The following DNER variants were observed in gnomAD, a reference collection of about 807,000 sequenced individuals.
The protein encoded by DNER is delta and Notch-like epidermal growth factor-related receptor.
A neutral mutation model predicts 78.2 loss-of-function variants in DNER; 33 were observed. That is an observed-to-expected ratio of 0.42 (90% CI 0.32 to 0.56). DNER has a LOEUF of 0.56. Ranked by LOEUF, DNER falls within the 20% of genes least tolerant of loss-of-function variation. DNER has a pLI of 0.11. For synonymous variants in DNER, 417 were observed against 384.8 expected (o/e 1.08, Z -0.98); for missense variants, 918 against 975.3 (o/e 0.94, Z 0.78).
chr2:229,554,929 AGAGAAGAGAGAAAAGGGAAGGG>A (rs1696827373), intron 4 of DNER, among the ~76,000 whole-genome samples: 145 of 36,030 alleles, frequency 4.0e-3, no homozygotes, highest in Non-Finnish European at 4.5e-3. Flanking sequence ...AGAGAAGAGA[AGAGAAGAGAGAAAAGGGAAGGG>A]AAGGGAAGGG....
chr2:229,386,779 CCATCTCACGT>C (rs1226214437), intron 11 of DNER, among the ~76,000 whole-genome samples: 2 of 152,036 alleles, frequency 1.3e-5, no homozygotes, highest in Non-Finnish European at 2.9e-5. Flanking sequence ...CAATGAGATA[CCATCTCACGT>C]CAGTTAGAAT....
chr2:229,391,384 G>A (rs1014426197), intron 10 of DNER, among the ~76,000 whole-genome samples: 5 of 151,908 alleles, frequency 3.3e-5, no homozygotes, highest in Admixed American at 6.6e-5. Context: ...CCTTTTAGTT[G>A]GCTCACTTAC....
intron 8 of DNER, among the ~76,000 whole-genome samples, chr2:229,429,877 G>A (rs920296220): frequency 1.1e-4 from 16 of 152,168 alleles, no homozygotes; most frequent in African/African-American, 3.9e-4. Context: ...CTCGGGGCTG[G>A]ATCTGGTTTC....
chr2:229,558,268 A>G (rs1696890331), intron 4 of DNER, among the ~76,000 whole-genome samples: 1 of 152,136 alleles, frequency 6.6e-6, no homozygotes. Flanking sequence ...AGGAAGAATA[A>G]CTAATGAGTA....
rs1167997501 is a variant in DNER, at chr2:229,588,450, G to A, written c.624C>T (p.Asn208=). Residue 208 remains asparagine (N), a synonymous_variant, in exon 3 of 13, where the codon AAC becomes AAT. Coordinates refer to ENST00000341772, the MANE Select transcript of DNER (RefSeq NM_139072.4). ...ATACCAGGCGGCCACCCGCAGAGCT[G>A]TTAGAACTGGCATTCCCACAGGCAA... ...PDIACGNASS[N]SSAGGRLVSF... The A allele has an allele frequency of 1.9e-6, 3 of 1,562,162 alleles. No individual in the cohort carries two copies. The highest frequency in any genetic ancestry group is 1.7e-5 in the Admixed American group (1 of 58,118).
intron 8 of DNER, among the ~76,000 whole-genome samples, chr2:229,425,630 G>A (rs948902376): frequency 9.2e-5 from 14 of 152,128 alleles, no homozygotes; most frequent in Non-Finnish European, 1.2e-4. Flanking sequence ...AGGACCCACC[G>A]GCTCTGGTTC....
At chr2:229,650,715 C>A (rs1307334265) in intron 1 of DNER, among the ~76,000 whole-genome samples, 1 of 152,202 alleles carries the variant, frequency 6.6e-6, no homozygotes, top group African/African-American at 2.4e-5. Context: ...AGAACGGGCT[C>A]TACTTACCTG....
At position 229,538,955 on chromosome 2, in the gene DNER, C is replaced by T. The variant is rs551931358; in HGVS notation, c.993+7992G>A. ...ACTCTGCACCCCCTCTCACTGCTTT[C>T]TTCCCTAGTGAAAGGAGAAATTCCT... is the stretch of plus-strand genomic sequence containing the variant. On this transcript the variant is annotated intron_variant, in intron 5 of 12. Coordinates refer to ENST00000341772, the MANE Select transcript of DNER (RefSeq NM_139072.4). 2.0e-5 allele frequency among the ~76,000 whole-genome samples: 3 copies of T among 152,358 alleles called. No homozygotes were observed. In the East Asian group the frequency reaches 5.8e-4, roughly 29 times the overall value.
intron 8 of DNER, among the ~76,000 whole-genome samples, chr2:229,427,772 G>A (rs1693911283): frequency 1.3e-5 from 2 of 152,118 alleles, no homozygotes; most frequent in Admixed American, 6.5e-5. Flanking sequence ...AGAGCAAAGG[G>A]CAGAGAAGAA....
intron 1 of DNER, among the ~76,000 whole-genome samples, chr2:229,640,823 G>A (rs1256039404): frequency 3.9e-5 from 6 of 152,156 alleles, no homozygotes; most frequent in Non-Finnish European, 8.8e-5. Context: ...AGTTTTCTCT[G>A]GCAGAACTCC....
intron 4 of DNER, among the ~76,000 whole-genome samples, chr2:229,562,653 C>T (rs961865119): frequency 2.0e-5 from 3 of 152,070 alleles, no homozygotes; most frequent in Non-Finnish European, 2.9e-5. Context: ...AAGATTACAC[C>T]AGGCTCTGCC....
intron 9 of DNER, among the ~76,000 whole-genome samples, chr2:229,408,954 T>C (rs993729472): frequency 6.6e-6 from 1 of 152,214 alleles, no homozygotes; most frequent in Non-Finnish European, 1.5e-5. Flanking sequence ...TCCCACTGCC[T>C]CGTGCCTGGT....
chr2:229,444,263 G>A, intron 8 of DNER, among the ~76,000 whole-genome samples: 1 of 152,276 alleles, frequency 6.6e-6, no homozygotes, highest in African/African-American at 2.4e-5. Flanking sequence ...AAAGAAAGAA[G>A]AGCTTTCACT....
chr2:229,573,944 T>G (rs564679264), intron 4 of DNER, among the ~76,000 whole-genome samples: 2 of 152,212 alleles, frequency 1.3e-5, no homozygotes, highest in Admixed American at 6.5e-5. Context: ...TTAAATATCT[T>G]CTGCTTAAGG....
At position 229,595,284 on chromosome 2, in the gene DNER, ATTTTT is replaced by A. The variant is rs11389038; in HGVS notation, c.277-3401_277-3397del. Among the ~76,000 whole-genome samples the A allele has an allele frequency of 4.8e-5, 7 of 145,772 alleles. No homozygotes were observed. The East Asian group carries it at 1.4e-3, about 29-fold the overall frequency. On this transcript the variant is annotated intron_variant, in intron 1 of 12. Coordinates refer to ENST00000341772, the MANE Select transcript of DNER (RefSeq NM_139072.4). ...AGAATAAAGGCCAAAGTATTCACTA[ATTTTT>A]TTTTTTTTTGAGATGGAGTTTCACT...
chr2:229,703,180 T>C (rs537881618), intron 1 of DNER, among the ~76,000 whole-genome samples: 23 of 152,140 alleles, frequency 1.5e-4, no homozygotes, highest in African/African-American at 5.1e-4. Flanking sequence ...CTCAAGATAG[T>C]GTAGAATTGG....
chr2:229,483,912 C>T (rs1265218236), intron 6 of DNER, among the ~76,000 whole-genome samples: 2 of 152,204 alleles, frequency 1.3e-5, no homozygotes, highest in Non-Finnish European at 2.9e-5. Context: ...GGGAGTAGGG[C>T]TGCATCCCTG....
At chr2:229,431,512 T>C (rs1443709946) in intron 8 of DNER, among the ~76,000 whole-genome samples, 2 of 151,924 alleles carry the variant, frequency 1.3e-5, no homozygotes, top group South Asian at 2.1e-4. Flanking sequence ...CTATGTCTTA[T>C]GACTTTTTTT....
intron 6 of DNER, among the ~76,000 whole-genome samples, chr2:229,484,272 A>G (rs2216534): frequency 0.12 from 18,930 of 152,236 alleles, 1,309 homozygotes; most frequent in South Asian, 0.2. Context: ...ATGCAGAGCT[A>G]CTGAAGTAAA....
Sources: allele counts gnomAD v4.1 joint callset (sites outside exome capture counted in the v4.1 genomes callset), GRCh38; gene constraint gnomAD v4.1.1; transcripts MANE v1.5; gene names NCBI Gene and HGNC (gene_info 2026-07-23, HGNC 2026-07-21).